TSTD2: variants seen among roughly 807,000 people sequenced by gnomAD.
TSTD2 encodes thiosulfate sulfurtransferase/rhodanese-like domain-containing protein 2.
Under a neutral mutation model 47.9 loss-of-function variants are expected in TSTD2, and 37 were observed. The observed-to-expected ratio is 0.77, with a 90% CI of 0.59 to 1.02. The LOEUF is 1.02. TSTD2 is among the 50% of genes least tolerant of loss of function. The pLI is 0.00. For synonymous variants in TSTD2, 201 were observed against 215.9 expected, an observed-to-expected ratio of 0.93 and a Z score of 0.61; for missense variants, 586 against 616.0, an observed-to-expected ratio of 0.95 and a Z score of 0.52.
chr9:97,600,805 C>T lies in TSTD2; in HGVS notation c.*1664G>A. ...CTGAAATGTAGTATTAGTACTGCTG[C>T]CAGATCTCTTTTTAACATCATGTGC... is the stretch of plus-strand genomic sequence containing the variant. On this transcript the variant is annotated 3_prime_UTR_variant, in exon 10 of 10. Coordinates refer to ENST00000341170, the MANE Select transcript of TSTD2 (RefSeq NM_139246.5). 9.3e-7 allele frequency: 1 copy of T among 1,075,398 alleles called. No individual in the cohort carries two copies. Among genetic ancestry groups the T allele is most frequent in the Non-Finnish European group, 1.1e-6 (1 of 881,246 alleles). The allele number at this position is 1,075,398 out of a possible 1,614,324, so 66.6% of individuals were successfully genotyped here.
intron 3 of TSTD2, among the ~76,000 whole-genome samples, chr9:97,624,294 A>G (rs1826684677): frequency 6.6e-6 from 1 of 152,214 alleles, no homozygotes; most frequent in African/African-American, 2.4e-5. Flanking sequence ...ATCACATGCC[A>G]TGTCATGAGA....
chr9:97,625,852 A>C lies in TSTD2; in HGVS notation c.311T>G (p.Ile104Ser), dbSNP rs754744850. 9 of 1,614,138 alleles carry C rather than the reference A, an allele frequency of 5.6e-6. No individual in the cohort carries two copies. Among genetic ancestry groups the C allele is most frequent in the Non-Finnish European group, 7.6e-6 (9 of 1,179,984 alleles). ...TAAAATAGAAGCTGTCTGGTGATAAATTTCATCAGCATGTTGTGTTGCCAC... is the reference window on the plus strand; with the variant it reads ...TAAAATAGAAGCTGTCTGGTGATAACTTTCATCAGCATGTTGTGTTGCCAC... ...RHVATQHADE[I>S]YHQTASILKQ... The change falls in exon 3 of 10, where the codon ATT becomes AGT. Residue 104 changes from isoleucine to serine, a missense_variant. Transcript: ENST00000341170.
chr9:97,611,263 C>A, intron 5 of TSTD2: 1 of 198,314 alleles, frequency 5.0e-6, no homozygotes, highest in Non-Finnish European at 1.1e-5. Context: ...TAGTGAGACC[C>A]CGTCTCTACA....
rs1826225634 is a variant in TSTD2 at position 97,600,297 on chromosome 9, T to G, written c.*2172A>C. The G allele has an allele frequency of 1.1e-5, 11 of 986,250 alleles. No homozygotes were observed. Among genetic ancestry groups the G allele is most frequent in the Non-Finnish European group, 1.2e-5 (10 of 830,230 alleles). 61.1% of individuals were successfully genotyped at this position (986,250 alleles called of 1,614,324 possible). A position where few individuals can be genotyped will look rare whatever the true frequency, so the allele number is the denominator to read the frequency against. On this transcript the variant is annotated 3_prime_UTR_variant, in exon 10 of 10. Coordinates refer to ENST00000341170, the MANE Select transcript of TSTD2 (RefSeq NM_139246.5). Reference sequence around the variant, plus strand: ...CCAGGAGTCAACATGAGATTCCTTTTGCTGGATATGCAGAAATGATAGGAA... The same window carrying G: ...CCAGGAGTCAACATGAGATTCCTTTGGCTGGATATGCAGAAATGATAGGAA...
intron 6 of TSTD2, 123 bp downstream of exon 6, chr9:97,610,223 C>A: frequency 1.3e-6 from 1 of 742,464 alleles, no homozygotes; most frequent in South Asian, 2.2e-5. Flanking sequence ...CAAGTGTTAG[C>A]CACCCCACAG....
intron 6 of TSTD2, among the ~76,000 whole-genome samples, chr9:97,609,894 C>G (rs984659126): frequency 6.6e-6 from 1 of 152,106 alleles, no homozygotes; most frequent in Non-Finnish European, 1.5e-5. Context: ...TACAATAAAA[C>G]CCCCAAAAAC....
intron 3 of TSTD2, among the ~76,000 whole-genome samples, chr9:97,623,913 G>A (rs1043328008): frequency 1.3e-5 from 2 of 152,054 alleles, no homozygotes; most frequent in Admixed American, 1.3e-4. Context: ...ATATGCTGCT[G>A]CACAGGCTAT....
intron 6 of TSTD2, among the ~76,000 whole-genome samples, chr9:97,608,422 G>T (rs749841093): frequency 2.9e-4 from 44 of 152,052 alleles, no homozygotes; most frequent in Non-Finnish European, 5.7e-4. Context: ...GATCACTTGA[G>T]GTCAGGAGTT....
At chr9:97,626,590 CAG>C (rs990931385) in intron 2 of TSTD2, among the ~76,000 whole-genome samples, 2 of 152,152 alleles carry the variant, frequency 1.3e-5, no homozygotes, top group African/African-American at 4.8e-5. Context: ...AACAATCAAA[CAG>C]AAAATTCTCT....
chr9:97,610,298 A>T, intron 6 of TSTD2, 48 bp downstream of exon 6: 3 of 1,515,516 alleles, frequency 2.0e-6, no homozygotes, highest in Non-Finnish European at 2.7e-6. Flanking sequence ...TTGTCTATTA[A>T]GTTTTGTCCC....
At chr9:97,631,245 T>C (rs1460150990) in intron 1 of TSTD2, among the ~76,000 whole-genome samples, 1 of 151,952 alleles carries the variant, frequency 6.6e-6, no homozygotes, top group Admixed American at 6.6e-5. Context: ...GCCTCCCGAG[T>C]AGCTGGGAGT....
At chr9:97,610,772 C>T (rs1035504978) in intron 5 of TSTD2, 9 of 175,892 alleles carry the variant, frequency 5.1e-5, no homozygotes, top group African/African-American at 1.2e-4. Context: ...CCAGCATGAA[C>T]GCTAGCAAGG....
rs749009995 is a variant in TSTD2 at position 97,617,815 on chromosome 9, G to A, written c.545C>T (p.Pro182Leu). 1 of 1,614,118 alleles carries A rather than the reference G, an allele frequency of 6.2e-7. No homozygotes were observed. Among genetic ancestry groups the A allele is most frequent in the South Asian group, 1.1e-5 (1 of 91,078 alleles). The change falls in exon 4 of 10, where the codon CCC (proline) becomes CTC (leucine). Residue 182 changes from proline (P) to leucine (L), a missense_variant. Transcript: ENST00000341170. Reference protein sequence around the residue: ...LYYCYHDLEDPQWICAWQTAL... With the variant: ...LYYCYHDLEDLQWICAWQTAL... ...TGTCTGCCAGGCACAGATCCATTGG[G>A]GATCCTCCAGGTCATGGTAGCAGTA...
intron 9 of TSTD2, among the ~76,000 whole-genome samples, chr9:97,603,902 A>G (rs1406725160): frequency 1.3e-5 from 2 of 152,146 alleles, no homozygotes; most frequent in East Asian, 3.9e-4. Context: ...TGTTGCCCAG[A>G]CTGGTCTCAA....
chr9:97,630,065 CTT>C (rs763503632), intron 1 of TSTD2, among the ~76,000 whole-genome samples: 2 of 152,130 alleles, frequency 1.3e-5, no homozygotes, highest in Non-Finnish European at 2.9e-5. Context: ...TCACTTATGT[CTT>C]GTCTGCTACC....
In TSTD2 at chr9:97,605,589, G is replaced by C; in HGVS notation, c.1007C>G (p.Pro336Arg). 1 of 1,614,236 alleles carries C rather than the reference G, an allele frequency of 6.2e-7. No individual in the cohort carries two copies. Among genetic ancestry groups the C allele is most frequent in the Non-Finnish European group, 8.5e-7 (1 of 1,180,048 alleles). The change falls in exon 8 of 10, where the codon CCT becomes CGT. Residue 336 changes from proline to arginine, a missense_variant. Pro to Arg is a moderately radical substitution (Grantham distance 103). Transcript: ENST00000341170. ...TTCTAGATTTTTGTCAACGTAGCTA[G>C]GGAAGTAACTGAATTTCCTGATGTC... The part of the protein sequence containing the change: ...APDIRKFSYF[P>R]SYVDKNLELF...
At position 97,617,908 on chromosome 9, in the gene TSTD2, T is replaced by C. The variant is rs751934907; in HGVS notation, c.483-31A>G. 4 of 1,598,628 alleles carry C rather than the reference T, an allele frequency of 2.5e-6. No individual in the cohort carries two copies. In the South Asian group the frequency reaches 4.5e-5, roughly 18 times the overall value. On this transcript the variant is annotated intron_variant, in intron 3 of 9. Transcript: ENST00000341170. Reference sequence around the variant, plus strand: ...AAATGAAAATCCAAGGCAAAGAGCATTTGAGTCGCTGGCATAAAGAAGTCA... The same window carrying C: ...AAATGAAAATCCAAGGCAAAGAGCACTTGAGTCGCTGGCATAAAGAAGTCA...
At chr9:97,613,827 CTT>C (rs755229835) in intron 4 of TSTD2, among the ~76,000 whole-genome samples, 40 of 123,054 alleles carry the variant, frequency 3.3e-4, no homozygotes, top group East Asian at 1.1e-3. Context: ...TTGATCAATT[CTT>C]TTTTTTTTTT....
At chr9:97,622,802 G>C (rs932760616) in intron 3 of TSTD2, among the ~76,000 whole-genome samples, 2 of 152,254 alleles carry the variant, frequency 1.3e-5, no homozygotes, top group African/African-American at 4.8e-5. Context: ...CATGGGGCCT[G>C]TGGCCCCTTT....
Sources: allele counts gnomAD v4.1 joint callset (sites outside exome capture counted in the v4.1 genomes callset), GRCh38; gene constraint gnomAD v4.1.1; transcripts MANE v1.5; gene names NCBI Gene and HGNC (gene_info 2026-07-23, HGNC 2026-07-21).